GALNT17: variants seen among roughly 807,000 people sequenced by gnomAD.
GALNT17 encodes UDP-GalNAc:polypeptide N-acetylgalactosaminyltransferase-like 3.
Under a neutral mutation model 63.7 loss-of-function variants are expected in GALNT17, and 29 were observed. The ratio of observed to expected loss-of-function variants is 0.46; its 90% CI spans 0.34 to 0.62. The LOEUF (loss-of-function observed/expected upper bound fraction) is 0.62, where lower values mean the gene tolerates loss of function less well. GALNT17 is among the 20% of genes least tolerant of loss of function. The pLI is 0.01. For synonymous variants in GALNT17, 305 were observed against 318.3 expected, an observed-to-expected ratio of 0.96 and a Z score of 0.45; for missense variants, 603 against 799.6, an observed-to-expected ratio of 0.75 and a Z score of 2.97.
chr7:71,438,346 C>T (rs1041869019), intron 5 of GALNT17, among the ~76,000 whole-genome samples: 5 of 152,176 alleles, frequency 3.3e-5, no homozygotes, highest in Non-Finnish European at 5.9e-5. Context: ...AGTCATTTCA[C>T]GTTTTTCTGC....
At chr7:71,617,625 TTTGTTTG>T (rs1790232946) in intron 6 of GALNT17, among the ~76,000 whole-genome samples, 1 of 55,484 alleles carries the variant, frequency 1.8e-5, no homozygotes, top group Non-Finnish European at 5.1e-5. Context: ...CTTTTGTTTG[TTTGTTTG>T]TTTGTTTGTT....
intron 1 of GALNT17, among the ~76,000 whole-genome samples, chr7:71,226,947 G>C (rs1208570156): frequency 6.6e-6 from 1 of 151,930 alleles, no homozygotes; most frequent in Admixed American, 6.6e-5. Flanking sequence ...ATGTGCTGCC[G>C]TCCAAGGAAC....
intron 1 of GALNT17, among the ~76,000 whole-genome samples, chr7:71,224,526 C>G (rs1789646522): frequency 6.6e-6 from 1 of 152,180 alleles, no homozygotes; most frequent in South Asian, 2.1e-4. Context: ...ACTTCCCATC[C>G]TTACCCATGT....
chr7:71,176,248 T>C (rs1788636749), intron 1 of GALNT17, among the ~76,000 whole-genome samples: 1 of 152,052 alleles, frequency 6.6e-6, no homozygotes, highest in African/African-American at 2.4e-5. Context: ...ACCGCCGCTG[T>C]CGCCCCGTTC....
At chr7:71,409,379 A>T (rs182703955) in intron 3 of GALNT17, among the ~76,000 whole-genome samples, 11 of 152,304 alleles carry the variant, frequency 7.2e-5, no homozygotes, top group Non-Finnish European at 1.3e-4. Flanking sequence ...GCTTGTAAGA[A>T]ATACAAGTTC....
intron 1 of GALNT17, among the ~76,000 whole-genome samples, chr7:71,165,243 C>G (rs1388222395): frequency 1.3e-5 from 2 of 152,156 alleles, no homozygotes; most frequent in Non-Finnish European, 2.9e-5. Context: ...ACTTGAAGTA[C>G]CCAGGGTGGT....
intron 5 of GALNT17, among the ~76,000 whole-genome samples, chr7:71,510,660 C>A (rs1287387741): frequency 1.3e-5 from 2 of 152,136 alleles, no homozygotes; most frequent in African/African-American, 2.4e-5. Context: ...GTCTCCTTAC[C>A]AGGCTTCCTC....
At chr7:71,633,300 C>G (rs1211486487) in intron 6 of GALNT17, among the ~76,000 whole-genome samples, 1 of 151,910 alleles carries the variant, frequency 6.6e-6, no homozygotes, top group East Asian at 1.9e-4. Context: ...CACTCTAGTG[C>G]AATGTGGGGA....
intron 1 of GALNT17, among the ~76,000 whole-genome samples, chr7:71,257,880 T>A (rs1790316206): frequency 6.6e-6 from 1 of 152,246 alleles, no homozygotes; most frequent in Non-Finnish European, 1.5e-5. Context: ...AATCACTGCC[T>A]ACCACAGCCT....
In GALNT17 at chr7:71,293,767, G is replaced by A. The variant is rs113395930; in HGVS notation, c.239-41783G>A. Among the ~76,000 whole-genome samples the A allele has an allele frequency of 7.4e-3, 1,127 of 152,218 alleles. 13 individuals carry two copies. Among genetic ancestry groups the A allele is most frequent in the African/African-American group, 0.025 (1,048 of 41,516 alleles). Reference sequence around the variant, plus strand: ...AGTCCTTTGAATATATTACTTCACTGTCCCCAAGCTTGTAAGGTTTCTGTG... The same window carrying A: ...AGTCCTTTGAATATATTACTTCACTATCCCCAAGCTTGTAAGGTTTCTGTG... On this transcript the variant is annotated intron_variant, in intron 1 of 10. Coordinates refer to ENST00000333538, the MANE Select transcript of GALNT17 (RefSeq NM_022479.3).
At chr7:71,291,279 G>A (rs1790975449) in intron 1 of GALNT17, among the ~76,000 whole-genome samples, 1 of 151,798 alleles carries the variant, frequency 6.6e-6, no homozygotes, top group Non-Finnish European at 1.5e-5. Flanking sequence ...ACTCGGTTTT[G>A]TTCTGTGGAT....
chr7:71,341,593 C>G (rs1417755060), intron 2 of GALNT17, among the ~76,000 whole-genome samples: 1 of 152,178 alleles, frequency 6.6e-6, no homozygotes, highest in Non-Finnish European at 1.5e-5. Context: ...TTAGATTCCT[C>G]TGTAGAAACA....
chr7:71,598,859 G>A, intron 6 of GALNT17, among the ~76,000 whole-genome samples: 1 of 151,336 alleles, frequency 6.6e-6, no homozygotes. Context: ...CTATGAGAAA[G>A]AACGGGGGGG....
At position 71,534,598 on chromosome 7, in the gene GALNT17, CA is replaced by C. The variant is rs371592743; in HGVS notation, c.963-36666del. Among the ~76,000 whole-genome samples, 752 of 108,248 alleles carry C rather than the reference CA, an allele frequency of 6.9e-3. 6 individuals carry two copies. The highest frequency in any genetic ancestry group is 0.035 in the East Asian group (130 of 3,672). 71.0% of individuals were successfully genotyped at this position (108,248 alleles called of 152,430 possible). On this transcript the variant is annotated intron_variant, in intron 5 of 10. Transcript: ENST00000333538. ...TGGGCAACAGAGCGAGACTCCATCT[CA>C]AAAAAAAAAAAAAAAAAAAATCAGA... is the stretch of plus-strand genomic sequence containing the variant.
intron 9 of GALNT17, among the ~76,000 whole-genome samples, chr7:71,691,488 G>A (rs954130206): frequency 6.6e-6 from 1 of 152,146 alleles, no homozygotes; most frequent in African/African-American, 2.4e-5. Flanking sequence ...CTCAAGATAT[G>A]CCTGTATTTG....
chr7:71,327,437 T>G (rs557585203), intron 1 of GALNT17, among the ~76,000 whole-genome samples: 11 of 152,208 alleles, frequency 7.2e-5, no homozygotes, highest in Admixed American at 3.3e-4. Flanking sequence ...GAGAACAGTA[T>G]GGGGAAAACT....
At chr7:71,500,909 C>A (rs1048475182) in intron 5 of GALNT17, among the ~76,000 whole-genome samples, 1 of 152,138 alleles carries the variant, frequency 6.6e-6, no homozygotes, top group Non-Finnish European at 1.5e-5. Flanking sequence ...AGTTTAGATT[C>A]CAGGGCTCAT....
chr7:71,515,254 G>A (rs906515784), intron 5 of GALNT17, among the ~76,000 whole-genome samples: 5 of 152,084 alleles, frequency 3.3e-5, no homozygotes, highest in Admixed American at 1.3e-4. Flanking sequence ...GGAGAGGCTC[G>A]GGTTGGCATT....
chr7:71,282,248 G>A (rs1299631235), intron 1 of GALNT17, among the ~76,000 whole-genome samples: 3 of 152,320 alleles, frequency 2.0e-5, no homozygotes, highest in South Asian at 4.1e-4. Flanking sequence ...TCCTGACGAC[G>A]AGAGCCACTC....
Sources: allele counts gnomAD v4.1 joint callset (sites outside exome capture counted in the v4.1 genomes callset), GRCh38; gene constraint gnomAD v4.1.1; transcripts MANE v1.5; gene names NCBI Gene and HGNC (gene_info 2026-07-23, HGNC 2026-07-21).